FAM120B: variants seen among roughly 807,000 people sequenced by gnomAD.
FAM120B encodes the protein family with sequence similarity 120 member B, also known as constitutive coactivator of peroxisome proliferator-activated receptor gamma.
In FAM120B, 83 loss-of-function variants were observed where a neutral mutation model predicts 96.3. That is an observed-to-expected ratio of 0.86 (90% CI 0.72 to 1.03). The LOEUF (loss-of-function observed/expected upper bound fraction) is 1.03, where lower values mean the gene tolerates loss of function less well. FAM120B is among the 50% of genes least tolerant of loss of function. FAM120B has a pLI of 0.00. For synonymous variants in FAM120B, 407 were observed against 402.7 expected (o/e 1.01, Z -0.13); for missense variants, 1,027 against 1,121.2 (o/e 0.92, Z 1.20).
At chr6:170,359,311 T>G (rs993260092) in intron 6 of FAM120B, among the ~76,000 whole-genome samples, 2 of 151,672 alleles carry the variant, frequency 1.3e-5, no homozygotes, top group Non-Finnish European at 2.9e-5. Flanking sequence ...TAGAATCGCT[T>G]GAAACTGGGA....
chr6:170,375,840 A>G (rs957704466), intron 6 of FAM120B, among the ~76,000 whole-genome samples: 3 of 152,288 alleles, frequency 2.0e-5, no homozygotes, highest in Middle Eastern at 3.4e-3. Flanking sequence ...TCCAAGGAGG[A>G]AGTGACTTCT....
intron 5 of FAM120B, among the ~76,000 whole-genome samples, chr6:170,354,707 A>G (rs1787786107): frequency 6.6e-6 from 1 of 151,984 alleles, no homozygotes. Flanking sequence ...GCAGATCACG[A>G]TGTCAGGAGA....
intron 9 of FAM120B, among the ~76,000 whole-genome samples, chr6:170,401,793 G>A (rs754668287): frequency 2.2e-4 from 33 of 152,132 alleles, no homozygotes; most frequent in South Asian, 8.3e-4. Context: ...GCTGAACCCC[G>A]GTAAGTATAA....
At chr6:170,321,479 G>A (rs1269325663) in intron 2 of FAM120B, among the ~76,000 whole-genome samples, 1 of 152,216 alleles carries the variant, frequency 6.6e-6, no homozygotes, top group Non-Finnish European at 1.5e-5. Flanking sequence ...CCAGGTTCAA[G>A]CAATTCTCCT....
At chr6:170,398,011 G>T (rs989923536) in intron 9 of FAM120B, among the ~76,000 whole-genome samples, 1 of 152,198 alleles carries the variant, frequency 6.6e-6, no homozygotes, top group Non-Finnish European at 1.5e-5. Flanking sequence ...CTTCCCCCTG[G>T]GCCTCAGGAA....
intron 4 of FAM120B, among the ~76,000 whole-genome samples, chr6:170,344,102 C>T (rs1307685620): frequency 1.5e-5 from 2 of 130,206 alleles, no homozygotes; most frequent in African/African-American, 3.0e-5. Context: ...TCAGTCCATT[C>T]ACCTGCACCG....
chr6:170,298,023 C>A (rs1437341748), intron 1 of FAM120B: 1 of 152,144 alleles, frequency 6.6e-6, no homozygotes, highest in Non-Finnish European at 1.5e-5. Context: ...ATCTTAGCAT[C>A]CCTTATTTTA....
chr6:170,305,974 G>A (rs896732247), upstream of FAM120B, among the ~76,000 whole-genome samples: 1 of 152,114 alleles, frequency 6.6e-6, no homozygotes, highest in Non-Finnish European at 1.5e-5. Flanking sequence ...CTGTTCCCCT[G>A]TCCCCGCCAC....
chr6:170,322,563 A>G (rs1321142226), intron 2 of FAM120B, among the ~76,000 whole-genome samples: 2 of 152,166 alleles, frequency 1.3e-5, no homozygotes, highest in Admixed American at 6.5e-5. Flanking sequence ...AATTATGGCT[A>G]TTTCTATGAG....
In FAM120B at chr6:170,317,445, A is replaced by T; in HGVS notation, c.55A>T (p.Thr19Ser). The T allele has an allele frequency of 1.2e-6, 2 of 1,614,208 alleles. No homozygotes were observed. The highest frequency in any genetic ancestry group is 1.3e-5 in the African/African-American group (1 of 75,054). The change falls in exon 2 of 11, where the codon ACA becomes TCA. Residue 19 changes from threonine to serine, a missense_variant. Around this residue, in one of 3 missense-constraint regions of FAM120B, gnomAD observed 880 missense variants for 980.9 expected, o/e 0.90. Transcript: ENST00000476287. ...FVGSTCPHIC[T>S]VVNFKELAEH... Reference sequence around the variant, plus strand: ...GGGAAGTACCTGCCCACATATATGTACAGTAGTAAATTTCAAAGAACTGGC... The same window carrying T: ...GGGAAGTACCTGCCCACATATATGTTCAGTAGTAAATTTCAAAGAACTGGC...
At chr6:170,346,866 G>A (rs1369152775) in intron 4 of FAM120B, among the ~76,000 whole-genome samples, 1 of 152,148 alleles carries the variant, frequency 6.6e-6, no homozygotes, top group African/African-American at 2.4e-5. Flanking sequence ...AGTAATTACT[G>A]ACACTTGTGG....
intron 4 of FAM120B, among the ~76,000 whole-genome samples, chr6:170,339,673 G>A (rs989212170): frequency 6.6e-6 from 1 of 151,830 alleles, no homozygotes; most frequent in African/African-American, 2.4e-5. Context: ...CAGCTACTTG[G>A]GAGGCTGAGG....
At chr6:170,400,413 A>G (rs910628922) in intron 9 of FAM120B, among the ~76,000 whole-genome samples, 1 of 152,134 alleles carries the variant, frequency 6.6e-6, no homozygotes, top group African/African-American at 2.4e-5. Context: ...TCTGGGAATG[A>G]TAAGAGTCAC....
chr6:170,312,383 G>C (rs910646326), intron 1 of FAM120B, among the ~76,000 whole-genome samples: 3 of 151,988 alleles, frequency 2.0e-5, no homozygotes, highest in African/African-American at 7.3e-5. Context: ...TAAGAATTTT[G>C]ACATATTGGG....
intron 5 of FAM120B, among the ~76,000 whole-genome samples, chr6:170,349,580 C>G (rs574737097): frequency 1.3e-5 from 2 of 152,316 alleles, no homozygotes; most frequent in South Asian, 4.1e-4. Flanking sequence ...GTTTCACATG[C>G]ACCAATGTAA....
chr6:170,394,592 C>T (rs112112831), intron 8 of FAM120B, among the ~76,000 whole-genome samples: 3 of 43,554 alleles, frequency 6.9e-5, no homozygotes, highest in Admixed American at 4.0e-4. Flanking sequence ...GCCACGCCTC[C>T]GTGGACACCG....
At chr6:170,311,367 AG>A in intron 1 of FAM120B, among the ~76,000 whole-genome samples, 1 of 152,324 alleles carries the variant, frequency 6.6e-6, no homozygotes, top group East Asian at 1.9e-4. Flanking sequence ...ACTGAAGGTG[AG>A]TTTTTTTTCC....
intron 6 of FAM120B, among the ~76,000 whole-genome samples, chr6:170,385,562 C>CA (rs1790138464): frequency 6.6e-6 from 1 of 152,150 alleles, no homozygotes; most frequent in African/African-American, 2.4e-5. Context: ...GGTGGGAATT[C>CA]AAAGTGGTGA....
At chr6:170,393,423 A>G (rs1790575666) in intron 8 of FAM120B, among the ~76,000 whole-genome samples, 1 of 152,238 alleles carries the variant, frequency 6.6e-6, no homozygotes. Flanking sequence ...TACAATTTTT[A>G]TAGAAACTAA....
Sources: allele counts gnomAD v4.1 joint callset (sites outside exome capture counted in the v4.1 genomes callset), GRCh38; gene constraint gnomAD v4.1.1; regional missense constraint gnomAD v4.1.1; transcripts MANE v1.5; gene names NCBI Gene and HGNC (gene_info 2026-07-23, HGNC 2026-07-21).